Variants in ZNF438 observed in about 807,000 individuals in gnomAD.
ZNF438 encodes the protein zinc finger protein 438.
ZNF438 carries 25 observed loss-of-function variants against 38.0 expected under a neutral mutation model. The observed-to-expected ratio is 0.66, with a 90% CI of 0.48 to 0.92. The LOEUF is 0.92. ZNF438 is among the 40% of genes least tolerant of loss of function. ZNF438 has a pLI of 0.00. For missense variants in ZNF438, 1,007 were observed against 999.6 expected, an observed-to-expected ratio of 1.01 and a Z score of -0.10; for synonymous variants, 372 against 364.1, an observed-to-expected ratio of 1.02 and a Z score of -0.25.
At chr10:30,949,265 A>G (rs995756571) in intron 1 of ZNF438, among the ~76,000 whole-genome samples, 4 of 152,006 alleles carry the variant, frequency 2.6e-5, no homozygotes, top group Admixed American at 6.6e-5. Flanking sequence ...AAACATGGAA[A>G]GGAAAAACCG....
chr10:30,908,605 A>G (rs2042798850), intron 3 of ZNF438, among the ~76,000 whole-genome samples: 1 of 152,206 alleles, frequency 6.6e-6, no homozygotes, highest in Non-Finnish European at 1.5e-5. Flanking sequence ...ATCTTTCCTG[A>G]TTAATTTCAT....
chr10:31,004,191 A>G (rs765198836), intron 1 of ZNF438, among the ~76,000 whole-genome samples: 6 of 152,204 alleles, frequency 3.9e-5, no homozygotes, highest in Non-Finnish European at 7.3e-5. Flanking sequence ...GCATCCTACA[A>G]TCCACAAGAC....
At chr10:30,960,457 T>C (rs1210865777) in intron 1 of ZNF438, among the ~76,000 whole-genome samples, 1 of 147,182 alleles carries the variant, frequency 6.8e-6, no homozygotes, top group African/African-American at 2.4e-5. Flanking sequence ...GTATTGTTAT[T>C]GTGAGGAAGT....
chr10:30,871,413 T>C (rs1363156084), intron 4 of ZNF438, among the ~76,000 whole-genome samples: 2 of 152,210 alleles, frequency 1.3e-5, no homozygotes, highest in East Asian at 1.9e-4. Flanking sequence ...TTATACATAA[T>C]TTAATATGCA....
chr10:30,911,430 G>A (rs1304479528), intron 2 of ZNF438, among the ~76,000 whole-genome samples: 2 of 152,118 alleles, frequency 1.3e-5, no homozygotes, highest in African/African-American at 2.4e-5. Flanking sequence ...CACTACAGAT[G>A]TTTGCTTTAA....
chr10:30,882,064 A>G (rs188667765), intron 3 of ZNF438, among the ~76,000 whole-genome samples: 1 of 152,334 alleles, frequency 6.6e-6, no homozygotes, highest in Non-Finnish European at 1.5e-5. Context: ...CTAATATGCT[A>G]AACTTCATCA....
chr10:31,009,119 T>C (rs527806555), intron 1 of ZNF438, among the ~76,000 whole-genome samples: 57 of 152,338 alleles, frequency 3.7e-4, no homozygotes, highest in African/African-American at 1.4e-3. Context: ...GTCTTTTTAA[T>C]ATTGAGCTGC....
intron 3 of ZNF438, among the ~76,000 whole-genome samples, chr10:30,887,025 T>C (rs2040039868): frequency 6.6e-6 from 1 of 152,172 alleles, no homozygotes; most frequent in South Asian, 2.1e-4. Flanking sequence ...TTCCTATATA[T>C]TGCAAATGAC....
At chr10:30,894,666 A>T (rs897864139) in intron 3 of ZNF438, among the ~76,000 whole-genome samples, 1 of 152,202 alleles carries the variant, frequency 6.6e-6, no homozygotes, top group African/African-American at 2.4e-5. Context: ...AGAAAGAAAA[A>T]GTAGGAAGAA....
chr10:30,957,064 T>C (rs2048940762), intron 1 of ZNF438, among the ~76,000 whole-genome samples: 1 of 152,198 alleles, frequency 6.6e-6, no homozygotes, highest in Non-Finnish European at 1.5e-5. Context: ...CTTGTTATTG[T>C]CTTTTTGGTA....
chr10:30,872,285 G>A (rs924487248), intron 4 of ZNF438, among the ~76,000 whole-genome samples: 3 of 151,808 alleles, frequency 2.0e-5, no homozygotes, highest in Non-Finnish European at 2.9e-5. Flanking sequence ...AATTAGCCAC[G>A]TGTGGTGGTG....
chr10:30,929,668 G>A (rs540403194), intron 2 of ZNF438, among the ~76,000 whole-genome samples: 2 of 152,320 alleles, frequency 1.3e-5, no homozygotes. Flanking sequence ...CCCACATCCT[G>A]ATGATTGGTC....
chr10:30,961,407 C>T (rs1170286487), intron 1 of ZNF438, among the ~76,000 whole-genome samples: 4 of 146,598 alleles, frequency 2.7e-5, no homozygotes, highest in South Asian at 2.2e-4. Flanking sequence ...GCGATCCTTC[C>T]GCCCCAGCCT....
intron 3 of ZNF438, among the ~76,000 whole-genome samples, chr10:30,887,814 G>A (rs1283953486): frequency 6.6e-6 from 1 of 152,096 alleles, no homozygotes; most frequent in Non-Finnish European, 1.5e-5. Flanking sequence ...GTCCCCTTGT[G>A]CTCTTCTGTA....
chr10:30,958,102 A>C (rs1403152199), intron 1 of ZNF438, among the ~76,000 whole-genome samples: 1 of 146,652 alleles, frequency 6.8e-6, no homozygotes, highest in East Asian at 1.9e-4. Flanking sequence ...TTTGGGACTG[A>C]GTCATACGAC....
chr10:31,001,138 T>C (rs2054614875), intron 1 of ZNF438, among the ~76,000 whole-genome samples: 1 of 152,218 alleles, frequency 6.6e-6, no homozygotes, highest in South Asian at 2.1e-4. Context: ...CATGGATGTC[T>C]GTCTTTCCTG....
intron 2 of ZNF438, among the ~76,000 whole-genome samples, chr10:30,912,008 CTCT>C (rs1442320481): frequency 6.6e-6 from 1 of 152,100 alleles, no homozygotes; most frequent in Non-Finnish European, 1.5e-5. Context: ...TATATTCAAC[CTCT>C]TCTTCTTACG....
At chr10:30,846,438 G>A (rs982379025) in intron 5 of ZNF438, among the ~76,000 whole-genome samples, 1 of 152,212 alleles carries the variant, frequency 6.6e-6, no homozygotes, top group African/African-American at 2.4e-5. Flanking sequence ...GCCGCCATGA[G>A]AGCCACTGCG....
intron 1 of ZNF438, among the ~76,000 whole-genome samples, chr10:30,956,911 A>G (rs1377778373): frequency 6.6e-6 from 1 of 152,224 alleles, no homozygotes; most frequent in Admixed American, 6.5e-5. Context: ...TAAGCCGTAC[A>G]GTGAAACTGT....
Sources: gnomAD v4.1 joint callset for allele counts (sites outside exome capture counted in the v4.1 genomes callset) on GRCh38, gnomAD v4.1.1 for gene constraint, MANE v1.5 for transcripts, NCBI Gene and HGNC (gene_info 2026-07-23, HGNC 2026-07-21) for gene names.